Variants in STARD3NL observed in about 807,000 individuals in gnomAD.
STARD3NL encodes STARD3 N-terminal-like protein.
In STARD3NL, 17 loss-of-function variants were observed where a neutral mutation model predicts 30.9. The ratio of observed to expected loss-of-function variants is 0.55; its 90% CI spans 0.38 to 0.82. The LOEUF (loss-of-function observed/expected upper bound fraction) is 0.82. Ranked by LOEUF, STARD3NL falls within the 40% of genes least tolerant of loss-of-function variation. The pLI, the probability that STARD3NL is intolerant of heterozygous loss-of-function variation, is 0.00. For missense variants in STARD3NL, 234 were observed against 277.6 expected (o/e 0.84, Z 1.12); for synonymous variants, 112 against 100.5 (o/e 1.11, Z -0.69).
intron 7 of STARD3NL, among the ~76,000 whole-genome samples, chr7:38,220,387 A>G (rs1420327799): frequency 6.6e-6 from 1 of 152,262 alleles, no homozygotes; most frequent in Non-Finnish European, 1.5e-5. Context: ...GCTTAACATC[A>G]CTAATCATTA....
At position 38,178,392 on chromosome 7, in the gene STARD3NL, G is replaced by C. The variant is rs902730162; in HGVS notation, c.-87G>C. The C allele has an allele frequency of 3.9e-5, 6 of 152,218 alleles. No homozygotes were observed. Among genetic ancestry groups the C allele is most frequent in the Non-Finnish European group, 8.8e-5 (6 of 68,072 alleles). 9.4% of individuals were successfully genotyped at this position (152,218 alleles called of 1,614,324 possible). ...GATCCGCAGTTCCCGGGCCAGCCTG[G>C]GGCGGCCGGCCAGGAACCACCCGTT... On this transcript the variant is annotated 5_prime_UTR_variant, in exon 1 of 9. Coordinates refer to ENST00000009041, the MANE Select transcript of STARD3NL (RefSeq NM_032016.4).
At chr7:38,216,054 A>C (rs1322507299) in intron 4 of STARD3NL, 1 of 152,226 alleles carries the variant, frequency 6.6e-6, no homozygotes, top group Non-Finnish European at 1.5e-5. Flanking sequence ...TCTTTTGCTG[A>C]TATCATCATA....
intron 1 of STARD3NL, among the ~76,000 whole-genome samples, chr7:38,185,822 G>A (rs1440402051): frequency 6.6e-6 from 1 of 152,078 alleles, no homozygotes; most frequent in Non-Finnish European, 1.5e-5. Context: ...CACCTTCTTT[G>A]GGATGAAGGA....
At chr7:38,226,863 G>C (rs1786800080) in intron 7 of STARD3NL, among the ~76,000 whole-genome samples, 1 of 152,220 alleles carries the variant, frequency 6.6e-6, no homozygotes, top group South Asian at 2.1e-4. Flanking sequence ...CCCATGGCCT[G>C]CCTCACCCTA....
intron 7 of STARD3NL, among the ~76,000 whole-genome samples, chr7:38,220,141 G>A (rs1786367977): frequency 6.6e-6 from 1 of 152,022 alleles, no homozygotes; most frequent in African/African-American, 2.4e-5. Context: ...TTCAAATCCT[G>A]CCACTTCTTA....
intron 1 of STARD3NL, among the ~76,000 whole-genome samples, chr7:38,197,798 T>C (rs907048349): frequency 2.0e-5 from 3 of 152,232 alleles, no homozygotes; most frequent in African/African-American, 7.2e-5. Context: ...TTTTAAAGCA[T>C]CTGTGTTTTT....
chr7:38,189,267 TTAAGAA>T (rs1225737307), intron 1 of STARD3NL, among the ~76,000 whole-genome samples: 1 of 152,062 alleles, frequency 6.6e-6, no homozygotes, highest in African/African-American at 2.4e-5. Context: ...AAAATAAAGA[TTAAGAA>T]TAACACCGTG....
intron 1 of STARD3NL, among the ~76,000 whole-genome samples, chr7:38,206,202 T>A (rs1785466634): frequency 6.6e-6 from 1 of 152,186 alleles, no homozygotes. Context: ...TTTTATGGCT[T>A]TGAAAATCCT....
intron 8 of STARD3NL, 50 bp downstream of exon 8, chr7:38,228,921 T>C (rs574659936): frequency 7.3e-7 from 1 of 1,377,692 alleles, no homozygotes; most frequent in East Asian, 2.3e-5. Context: ...AGTATGGAGA[T>C]TTCCTTTGAG....
chr7:38,227,432 C>T (rs1183681286), intron 7 of STARD3NL, among the ~76,000 whole-genome samples: 5 of 152,150 alleles, frequency 3.3e-5, no homozygotes, highest in African/African-American at 7.2e-5. Context: ...TCAACCTAAC[C>T]GTGTGACATT....
chr7:38,214,573 A>C, intron 3 of STARD3NL, 139 bp downstream of exon 3: 1 of 539,986 alleles, frequency 1.9e-6, no homozygotes, highest in Admixed American at 3.6e-5. Context: ...TTAATTCCCC[A>C]CCCATTCAAT....
At chr7:38,195,202 G>A (rs187673249) in intron 1 of STARD3NL, among the ~76,000 whole-genome samples, 18 of 152,180 alleles carry the variant, frequency 1.2e-4, no homozygotes, top group Admixed American at 9.2e-4. Context: ...GAGTACAGGC[G>A]CACGTCACCA....
At chr7:38,228,399 G>T (rs962259460) in intron 7 of STARD3NL, among the ~76,000 whole-genome samples, 30 of 152,138 alleles carry the variant, frequency 2.0e-4, no homozygotes, top group African/African-American at 7.0e-4. Flanking sequence ...CTGCTCTCTC[G>T]CTCGTCTGCC....
At chr7:38,201,184 T>A (rs1785159644) in intron 1 of STARD3NL, among the ~76,000 whole-genome samples, 2 of 152,258 alleles carry the variant, frequency 1.3e-5, no homozygotes, top group Non-Finnish European at 2.9e-5. Context: ...AAGATCAGTT[T>A]GATTAGAGCC....
At chr7:38,214,999 A>G in intron 3 of STARD3NL, 29 bp from the exon 4 acceptor site, 1 of 1,594,164 alleles carries the variant, frequency 6.3e-7, no homozygotes. Flanking sequence ...TATATTTTTT[A>G]AAACATCCCT....
chr7:38,219,607 T>A lies in STARD3NL; in HGVS notation c.596T>A (p.Ile199Lys). ...GATGCTTCAGAGAGGGCAGCACTTA[T>A]ACCTGGTGGTCTTTCTGATGGTCAG... ...VQDASERAAL[I>K]PGGLSDGQFY... The change falls in exon 7 of 9, where the codon ATA (isoleucine) becomes AAA (lysine). Residue 199 changes from isoleucine (I) to lysine (K), a missense_variant. By Grantham distance (102) the Ile-to-Lys change is moderately radical. Transcript: ENST00000009041. 6.2e-7 allele frequency: 1 copy of A among 1,613,198 alleles called. No individual in the cohort carries two copies. The highest frequency in any genetic ancestry group is 8.5e-7 in the Non-Finnish European group (1 of 1,179,298).
chr7:38,214,960 G>A, intron 3 of STARD3NL, 68 bp from the exon 4 acceptor site: 2 of 1,429,614 alleles, frequency 1.4e-6, no homozygotes, highest in East Asian at 4.8e-5. Flanking sequence ...AGTCTGGTGA[G>A]TTTTTCATAA....
chr7:38,204,267 GAA>G (rs1785332721), intron 1 of STARD3NL, among the ~76,000 whole-genome samples: 1 of 152,180 alleles, frequency 6.6e-6, no homozygotes. Flanking sequence ...TAAAAGAAGA[GAA>G]ATTATAACAA....
At chr7:38,178,891 G>T (rs549789220) in intron 1 of STARD3NL, among the ~76,000 whole-genome samples, 14 of 151,428 alleles carry the variant, frequency 9.2e-5, no homozygotes, top group Admixed American at 3.9e-4. Context: ...AAGAAAGCAC[G>T]AATCATGAAT....
Sources: allele counts gnomAD v4.1 joint callset (sites outside exome capture counted in the v4.1 genomes callset), GRCh38; gene constraint gnomAD v4.1.1; transcripts MANE v1.5; gene names NCBI Gene and HGNC (gene_info 2026-07-23, HGNC 2026-07-21).